The following SNX29 variants were observed in gnomAD, a reference collection of about 807,000 sequenced individuals.
The protein encoded by SNX29 is sorting nexin-29.
SNX29 carries 78 observed loss-of-function variants against 102.1 expected under a neutral mutation model. The observed-to-expected ratio is 0.76, with a 90% CI of 0.64 to 0.92. The LOEUF (loss-of-function observed/expected upper bound fraction) is 0.92. Among genes scored for constraint, SNX29 ranks in the 40% least tolerant of loss-of-function variants. The pLI, the probability that SNX29 is intolerant of heterozygous loss-of-function variation, is 0.00. For missense variants in SNX29, 1,280 were observed against 1,061.7 expected (o/e 1.21, Z -2.86); for synonymous variants, 580 against 414.5 (o/e 1.40, Z -4.85).
chr16:12,403,386 T>C lies in SNX29; in HGVS notation c.1956-62T>C, dbSNP rs541365432. On this transcript the variant is annotated intron_variant, in intron 17 of 20. Coordinates refer to ENST00000566228, the MANE Select transcript of SNX29 (RefSeq NM_032167.5). ...AAATTGTCTCCTTTCCTCTTTTTTATTTTTTATTTTTTTGTAAGTTAAAAT... is the reference window on the plus strand; with the variant it reads ...AAATTGTCTCCTTTCCTCTTTTTTACTTTTTATTTTTTTGTAAGTTAAAAT... The C allele has an allele frequency of 2.1e-5, 32 of 1,492,864 alleles. No individual in the cohort carries two copies. The African/African-American group carries it at 4.1e-4, about 19-fold the overall frequency. 92.5% of individuals were successfully genotyped at this position (1,492,864 alleles called of 1,614,324 possible). A position where few individuals can be genotyped will look rare whatever the true frequency, so the allele number is the denominator to read the frequency against.
chr16:12,031,581 C>T (rs901059986), intron 4 of SNX29, among the ~76,000 whole-genome samples: 29 of 150,474 alleles, frequency 1.9e-4, no homozygotes, highest in Non-Finnish European at 3.0e-4. Flanking sequence ...CTGAGGCGGG[C>T]GGATCATGAG....
chr16:12,297,855 C>T (rs183045143), intron 15 of SNX29, among the ~76,000 whole-genome samples: 1 of 152,164 alleles, frequency 6.6e-6, no homozygotes, highest in Non-Finnish European at 1.5e-5. Context: ...TCACTTTTCC[C>T]CTCCAGGAAG....
At chr16:12,431,442 T>G (rs1053686224) in intron 18 of SNX29, among the ~76,000 whole-genome samples, 4 of 152,056 alleles carry the variant, frequency 2.6e-5, no homozygotes, top group Non-Finnish European at 5.9e-5. Context: ...TTCTTTTTTT[T>G]TTTTTGTTTT....
chr16:12,379,824 G>C (rs537925259), intron 16 of SNX29, among the ~76,000 whole-genome samples: 3 of 152,186 alleles, frequency 2.0e-5, no homozygotes, highest in Non-Finnish European at 4.4e-5. Flanking sequence ...CATCGATCCC[G>C]GTGAGTGGGG....
In SNX29 at chr16:12,396,508, A is replaced by G. The variant is rs888500033; in HGVS notation, c.1900-1938A>G. Among the ~76,000 whole-genome samples the G allele has an allele frequency of 2.0e-5, 3 of 152,188 alleles. No homozygotes were observed. The South Asian group carries it at 6.2e-4, about 32-fold the overall frequency. On this transcript the variant is annotated intron_variant, in intron 16 of 20. Transcript: ENST00000566228. The stretch of plus-strand genomic sequence containing the variant: ...ACTTGATCCCCATAGCGTGCCCAGA[A>G]GAGCTTTTCCCAGCCTCAGTGCTGA...
At chr16:12,073,761 A>G (rs1212577710) in intron 10 of SNX29, among the ~76,000 whole-genome samples, 1 of 152,112 alleles carries the variant, frequency 6.6e-6, no homozygotes, top group African/African-American at 2.4e-5. Context: ...TAATGTTGAC[A>G]GTGGGGTGTT....
chr16:12,242,626 C>T (rs1285053872), intron 14 of SNX29, among the ~76,000 whole-genome samples: 3 of 150,842 alleles, frequency 2.0e-5, no homozygotes, highest in Non-Finnish European at 2.9e-5. Flanking sequence ...TTCCTCTCTT[C>T]TTCTCTTCTT....
intron 15 of SNX29, among the ~76,000 whole-genome samples, chr16:12,311,659 C>T (rs760049545): frequency 1.3e-5 from 2 of 152,248 alleles, no homozygotes; most frequent in Non-Finnish European, 2.9e-5. Flanking sequence ...CTTCACCCGG[C>T]TTATTTCCTT....
chr16:12,425,552 AATAAAAAGAG>A (rs1474806129), intron 18 of SNX29, among the ~76,000 whole-genome samples: 25 of 70,316 alleles, frequency 3.6e-4, no homozygotes, highest in African/African-American at 9.2e-4. Context: ...AAATAAAAAA[AATAAAAAGAG>A]GGAATAGAAA....
In SNX29 at chr16:12,570,725, C is replaced by G. The variant is rs535484962; in HGVS notation, c.*2096C>G. On this transcript the variant is annotated 3_prime_UTR_variant, in exon 21 of 21. Coordinates refer to ENST00000566228, the MANE Select transcript of SNX29 (RefSeq NM_032167.5). ...CAAAGCACAGGATGTGAATTGGTCT[C>G]TCTCCAGATACCCCACGAGGAAGCA... 6 of 232,278 alleles carry G rather than the reference C, an allele frequency of 2.6e-5. No homozygotes were observed. The highest frequency in any genetic ancestry group is 5.6e-5 in the Admixed American group (1 of 17,730). The allele number at this position is 232,278 out of a possible 1,614,324, so 14.4% of individuals were successfully genotyped here.
chr16:12,127,860 T>C (rs2054285980), intron 12 of SNX29, among the ~76,000 whole-genome samples: 1 of 152,182 alleles, frequency 6.6e-6, no homozygotes, highest in Admixed American at 6.5e-5. Context: ...CTGACTTATC[T>C]TGACTGTGGG....
chr16:12,538,070 T>G (rs868710263), intron 20 of SNX29, among the ~76,000 whole-genome samples: 3 of 151,676 alleles, frequency 2.0e-5, no homozygotes, highest in African/African-American at 7.3e-5. Flanking sequence ...GGTGACAGCT[T>G]TCTTCTCAGT....
chr16:12,112,593 A>G (rs534597854), intron 11 of SNX29, among the ~76,000 whole-genome samples: 11 of 152,306 alleles, frequency 7.2e-5, no homozygotes, highest in Admixed American at 2.0e-4. Flanking sequence ...GCCGAAGACG[A>G]CAGCAGCCCC....
chr16:12,380,992 C>T (rs1179130729), intron 16 of SNX29, among the ~76,000 whole-genome samples: 1 of 121,864 alleles, frequency 8.2e-6, no homozygotes, highest in African/African-American at 3.2e-5. Context: ...CATCCATCCA[C>T]CCACCCACCA....
chr16:12,256,781 G>A (rs960992180), intron 14 of SNX29, among the ~76,000 whole-genome samples: 1 of 152,122 alleles, frequency 6.6e-6, no homozygotes, highest in Non-Finnish European at 1.5e-5. Context: ...TGGGAATCAC[G>A]GTGAAAGAGG....
intron 15 of SNX29, among the ~76,000 whole-genome samples, chr16:12,300,150 G>C (rs956241115): frequency 5.9e-5 from 9 of 152,234 alleles, no homozygotes; most frequent in African/African-American, 2.2e-4. Flanking sequence ...GAGGTTACAC[G>C]TGTGAGCCCC....
Position 12,330,505 on chromosome 16 carries a change from G to A in SNX29, c.1783-25658G>A, listed in dbSNP as rs565442004. ...CTCACGCAATGCATCTGTGAGCCAC[G>A]CTTTCACTGCGAACTGTTTAATCCT... On this transcript the variant is annotated intron_variant, in intron 15 of 20. Coordinates refer to ENST00000566228, the MANE Select transcript of SNX29 (RefSeq NM_032167.5). Among the ~76,000 whole-genome samples the A allele has an allele frequency of 9.2e-5, 14 of 152,314 alleles. No individual in the cohort carries two copies. The East Asian group carries it at 1.9e-3, about 21-fold the overall frequency.
intron 15 of SNX29, among the ~76,000 whole-genome samples, chr16:12,325,640 T>C (rs531254590): frequency 6.6e-6 from 1 of 152,308 alleles, no homozygotes; most frequent in South Asian, 2.1e-4. Context: ...ATTTATTATC[T>C]TGTGTGAGGT....
intron 20 of SNX29, among the ~76,000 whole-genome samples, chr16:12,538,882 C>T (rs1027338355): frequency 2.0e-5 from 3 of 148,232 alleles, no homozygotes; most frequent in African/African-American, 5.2e-5. Flanking sequence ...GCCATTTGTA[C>T]ACTTGCACAG....
Sources: gnomAD v4.1 joint callset for allele counts (sites outside exome capture counted in the v4.1 genomes callset) on GRCh38, gnomAD v4.1.1 for gene constraint, MANE v1.5 for transcripts, NCBI Gene and HGNC (gene_info 2026-07-23, HGNC 2026-07-21) for gene names.